Variants in POU6F2 observed in about 807,000 individuals in gnomAD.
The protein encoded by POU6F2 is POU domain, class 6, transcription factor 2.
Under a neutral mutation model 71.3 loss-of-function variants are expected in POU6F2, and 31 were observed. That is an observed-to-expected ratio of 0.43 (90% CI 0.33 to 0.59). The LOEUF is 0.59. Ranked by LOEUF, POU6F2 falls within the 20% of genes least tolerant of loss-of-function variation. The pLI is 0.04. For missense variants in POU6F2, 783 were observed against 856.8 expected, an observed-to-expected ratio of 0.91 and a Z score of 1.07; for synonymous variants, 347 against 355.7, an observed-to-expected ratio of 0.98 and a Z score of 0.27.
chr7:39,241,792 A>G (rs575017780), intron 4 of POU6F2, among the ~76,000 whole-genome samples: 4 of 152,162 alleles, frequency 2.6e-5, no homozygotes, highest in Non-Finnish European at 5.9e-5. Context: ...TCTTTTCAGT[A>G]TACAGTTCCA....
chr7:39,230,288 G>A (rs761855137), intron 4 of POU6F2, among the ~76,000 whole-genome samples: 1 of 152,044 alleles, frequency 6.6e-6, no homozygotes, highest in Non-Finnish European at 1.5e-5. Context: ...AGACCAACCT[G>A]AGCAACATAG....
At chr7:39,414,735 TGAAA>T (rs1267096953) in intron 6 of POU6F2, among the ~76,000 whole-genome samples, 1 of 111,674 alleles carries the variant, frequency 9.0e-6, no homozygotes, top group East Asian at 3.2e-4. Context: ...ATTTCTGAAA[TGAAA>T]GAGTTATCAA....
chr7:39,140,868 G>A (rs755019938), intron 2 of POU6F2, among the ~76,000 whole-genome samples: 1 of 152,130 alleles, frequency 6.6e-6, no homozygotes, highest in Non-Finnish European at 1.5e-5. Flanking sequence ...GAGTCACCAG[G>A]GGTTTTAAGA....
intron 2 of POU6F2, chr7:39,132,240 G>A (rs1792301436): frequency 6.6e-6 from 1 of 152,162 alleles, no homozygotes; most frequent in Non-Finnish European, 1.5e-5. Context: ...AGCAATAGAA[G>A]AGCATCACAG....
chr7:39,032,437 A>T (rs1385788604), intron 1 of POU6F2, among the ~76,000 whole-genome samples: 1 of 152,226 alleles, frequency 6.6e-6, no homozygotes, highest in Non-Finnish European at 1.5e-5. Context: ...TATAATTCCT[A>T]TATATGTAGA....
chr7:39,179,199 A>G (rs1364105030), intron 2 of POU6F2, among the ~76,000 whole-genome samples: 2 of 152,220 alleles, frequency 1.3e-5, no homozygotes, highest in African/African-American at 4.8e-5. Context: ...AATGATCCCA[A>G]AAGACCAGAG....
At chr7:39,246,020 T>G (rs1783812608) in intron 4 of POU6F2, among the ~76,000 whole-genome samples, 1 of 152,210 alleles carries the variant, frequency 6.6e-6, no homozygotes, top group Non-Finnish European at 1.5e-5. Flanking sequence ...GGGAGCCATA[T>G]ATCAGGAAGT....
At chr7:39,185,460 C>T (rs1227410862) in intron 2 of POU6F2, among the ~76,000 whole-genome samples, 4 of 152,104 alleles carry the variant, frequency 2.6e-5, no homozygotes, top group East Asian at 3.9e-4. Flanking sequence ...GACTTAAAAC[C>T]GAAGTTTATG....
chr7:39,131,834 G>GTTT (rs1428727087), intron 2 of POU6F2, among the ~76,000 whole-genome samples: 11 of 125,356 alleles, frequency 8.8e-5, no homozygotes, highest in African/African-American at 2.9e-4. Context: ...CATCTATTTT[G>GTTT]TTTTATATTT....
At chr7:39,162,352 G>A (rs1163180695) in intron 2 of POU6F2, among the ~76,000 whole-genome samples, 1 of 152,162 alleles carries the variant, frequency 6.6e-6, no homozygotes, top group East Asian at 1.9e-4. Context: ...TCAGTAAGCA[G>A]GCTTGGTTGC....
rs1281628656 is a variant in POU6F2, at chr7:39,377,142, T to TA, written c.973-29458_973-29457insA. 8.0e-5 allele frequency among the ~76,000 whole-genome samples: 12 copies of TA among 149,826 alleles called. No homozygotes were observed. In the South Asian group the frequency reaches 1.9e-3, roughly 23 times the overall value. On this transcript the variant is annotated intron_variant, in intron 5 of 9. Coordinates refer to ENST00000518318, the MANE Select transcript of POU6F2 (RefSeq NM_001370959.1). The stretch of plus-strand genomic sequence containing the variant: ...AAATATATTTATAATTATATATATA[T>TA]TTTTTTGAGATGGAGTCTCATTCTG...
At chr7:39,459,906 C>T (rs1788905426) in intron 8 of POU6F2, among the ~76,000 whole-genome samples, 1 of 152,092 alleles carries the variant, frequency 6.6e-6, no homozygotes, top group Admixed American at 6.5e-5. Context: ...TTATTATGTG[C>T]CCTTTCAGGG....
intron 2 of POU6F2, among the ~76,000 whole-genome samples, chr7:39,177,426 C>T (rs1318298299): frequency 6.6e-6 from 1 of 152,156 alleles, no homozygotes; most frequent in Admixed American, 6.5e-5. Flanking sequence ...GGAGTGGAAG[C>T]TCAAACGCAC....
At chr7:39,173,191 A>G (rs1053600623) in intron 2 of POU6F2, among the ~76,000 whole-genome samples, 3 of 152,230 alleles carry the variant, frequency 2.0e-5, no homozygotes, top group East Asian at 1.9e-4. Context: ...TATTTAACAC[A>G]TATCTGTTTT....
At chr7:39,034,557 G>C (rs1790017255) in intron 1 of POU6F2, 1 of 363,882 alleles carries the variant, frequency 2.7e-6, no homozygotes. Context: ...GGTTCGCTCT[G>C]GGCTTTGATG....
At chr7:39,282,328 G>A (rs776395987) in intron 4 of POU6F2, among the ~76,000 whole-genome samples, 15 of 151,930 alleles carry the variant, frequency 9.9e-5, no homozygotes, top group Non-Finnish European at 1.8e-4. Flanking sequence ...TATTTCTGTT[G>A]CCTGTACTTT....
At chr7:39,081,044 G>C (rs1056817542) in intron 1 of POU6F2, among the ~76,000 whole-genome samples, 13 of 152,058 alleles carry the variant, frequency 8.5e-5, no homozygotes, top group African/African-American at 3.1e-4. Flanking sequence ...GAAGTACACT[G>C]GGACATCTCT....
Position 39,460,364 on chromosome 7 carries a change from G to C in POU6F2, c.1490-183G>C, listed in dbSNP as rs1003117629. Reference sequence around the variant, plus strand: ...ACATCTCGAAGGATGATTTGTGGAGGTGTAATGAGTTGCGGATGGAGTGTT... The same window carrying C: ...ACATCTCGAAGGATGATTTGTGGAGCTGTAATGAGTTGCGGATGGAGTGTT... On this transcript the variant is annotated intron_variant, in intron 8 of 9. Coordinates refer to ENST00000518318, the MANE Select transcript of POU6F2 (RefSeq NM_001370959.1). The surrounding 1 kb of genome is among the most constrained non-coding windows in gnomAD (Gnocchi z 4.4). Among the ~76,000 whole-genome samples the C allele has an allele frequency of 3.9e-5, 6 of 152,204 alleles. No homozygotes were observed. Among genetic ancestry groups the C allele is most frequent in the African/African-American group, 1.4e-4 (6 of 41,450 alleles).
chr7:39,211,591 G>A (rs1327068783), intron 4 of POU6F2, among the ~76,000 whole-genome samples: 2 of 152,210 alleles, frequency 1.3e-5, no homozygotes, highest in Admixed American at 1.3e-4. Context: ...TTCCCAGCAA[G>A]AAAGAGATTG....
Sources: gnomAD v4.1 joint callset for allele counts (sites outside exome capture counted in the v4.1 genomes callset) on GRCh38, gnomAD v4.1.1 for gene constraint, Gnocchi (gnomAD v3.1) non-coding constraint, MANE v1.5 for transcripts, NCBI Gene and HGNC (gene_info 2026-07-23, HGNC 2026-07-21) for gene names.